The following ZFP1 variants were observed in gnomAD, a reference collection of about 807,000 sequenced individuals.
ZFP1 encodes ZFP1 zinc finger protein.
In ZFP1, 32 loss-of-function variants were observed where a neutral mutation model predicts 38.5. The observed-to-expected ratio is 0.83, with a 90% CI of 0.63 to 1.12. The LOEUF (loss-of-function observed/expected upper bound fraction) is 1.12. Among genes scored for constraint, ZFP1 ranks in the 50% most tolerant of loss-of-function variants. The pLI is 0.00. For synonymous variants in ZFP1, 245 were observed against 168.8 expected (o/e 1.45, Z -3.50); for missense variants, 616 against 480.8 (o/e 1.28, Z -2.63).
intron 1 of ZFP1, among the ~76,000 whole-genome samples, chr16:75,149,902 A>G (rs1017566080): frequency 1.1e-4 from 17 of 151,936 alleles, no homozygotes; most frequent in African/African-American, 3.1e-4. Context: ...CCCGGGTTCA[A>G]GCAGTCCTCC....
chr16:75,153,765 T>A (rs372004451), intron 2 of ZFP1, among the ~76,000 whole-genome samples: 1 of 152,206 alleles, frequency 6.6e-6, no homozygotes, highest in Non-Finnish European at 1.5e-5. Flanking sequence ...TTTTGACCAA[T>A]ATATAATGAC....
upstream of ZFP1, among the ~76,000 whole-genome samples, chr16:75,146,586 A>G (rs2036947773): frequency 6.6e-6 from 1 of 152,204 alleles, no homozygotes; most frequent in Non-Finnish European, 1.5e-5. Context: ...ATGTATCTTC[A>G]GTAGGTGAAT....
upstream of ZFP1, chr16:75,144,232 C>T (rs2036920003): frequency 6.6e-6 from 1 of 152,054 alleles, no homozygotes; most frequent in South Asian, 2.1e-4. Flanking sequence ...GGGGGGAGTT[C>T]TCCATTCTCT....
the ZFP1 span, among the ~76,000 whole-genome samples, chr16:75,138,420 T>C: frequency 6.6e-6 from 1 of 152,158 alleles, no homozygotes; most frequent in Non-Finnish European, 1.5e-5. Context: ...AAGGAGTAAC[T>C]TTATAGTGGA....
intron 1 of ZFP1, 114 bp downstream of exon 1, chr16:75,148,757 G>T (rs2037012598): frequency 6.6e-6 from 1 of 152,284 alleles, no homozygotes; most frequent in African/African-American, 2.4e-5. Context: ...ACTCGTAGGC[G>T]GCAGTGACCC....
the ZFP1 span, among the ~76,000 whole-genome samples, chr16:75,131,219 A>G: frequency 6.6e-6 from 1 of 152,176 alleles, no homozygotes; most frequent in South Asian, 2.1e-4. Context: ...CACCCTCAGG[A>G]GCATGAGGAG....
intron 1 of ZFP1, among the ~76,000 whole-genome samples, chr16:75,151,746 A>G (rs1364384143): frequency 6.8e-6 from 1 of 147,206 alleles, no homozygotes. Context: ...AAAAGTATCT[A>G]TTGTGTTGAT....
chr16:75,134,833 G>A, the ZFP1 span, among the ~76,000 whole-genome samples: 115 of 151,952 alleles, frequency 7.6e-4, 1 homozygote, highest in Non-Finnish European at 1.5e-3. Flanking sequence ...CGAGGCGGGC[G>A]GATCACCTGA....
intron 3 of ZFP1, 32 bp from the exon 4 acceptor site, chr16:75,169,221 A>G: frequency 6.4e-7 from 1 of 1,566,138 alleles, no homozygotes; most frequent in Non-Finnish European, 8.6e-7. Flanking sequence ...AGGCATTGAC[A>G]AGGTTCTTTT....
At chr16:75,146,467 G>A (rs1048128330), upstream of ZFP1, among the ~76,000 whole-genome samples, 8 of 151,038 alleles carry the variant, frequency 5.3e-5, no homozygotes, top group East Asian at 4.0e-4. Context: ...GCACCCGGCC[G>A]CAACCATACG....
the ZFP1 span, among the ~76,000 whole-genome samples, chr16:75,123,108 C>T: frequency 6.6e-6 from 1 of 151,898 alleles, no homozygotes; most frequent in Non-Finnish European, 1.5e-5. Context: ...AATCCCAGCA[C>T]TTGGGGAGGA....
upstream of ZFP1, among the ~76,000 whole-genome samples, chr16:75,144,457 G>C (rs1006692252): frequency 6.6e-5 from 10 of 152,046 alleles, no homozygotes; most frequent in Admixed American, 5.2e-4. Flanking sequence ...AAGATTTTTA[G>C]ATCCTTCCCA....
At chr16:75,162,361 T>C (rs551584907) in intron 2 of ZFP1, among the ~76,000 whole-genome samples, 1 of 152,138 alleles carries the variant, frequency 6.6e-6, no homozygotes, top group East Asian at 1.9e-4. Flanking sequence ...TGACCTTAAG[T>C]GATCCACCTG....
the ZFP1 span, among the ~76,000 whole-genome samples, chr16:75,131,850 A>C: frequency 6.6e-6 from 1 of 151,938 alleles, no homozygotes; most frequent in African/African-American, 2.4e-5. Flanking sequence ...CTGTAATCTC[A>C]GCTACTTGGG....
At chr16:75,159,675 G>T (rs968518418) in intron 2 of ZFP1, among the ~76,000 whole-genome samples, 2 of 151,914 alleles carry the variant, frequency 1.3e-5, no homozygotes, top group Middle Eastern at 3.2e-3. Flanking sequence ...CAAAGTGCTG[G>T]GATTACAGTC....
chr16:75,166,160 A>G (rs184098462), intron 2 of ZFP1, among the ~76,000 whole-genome samples: 29 of 152,346 alleles, frequency 1.9e-4, no homozygotes, highest in Non-Finnish European at 3.1e-4. Context: ...AATAATGCCT[A>G]TGTGAGCTTT....
the ZFP1 span, among the ~76,000 whole-genome samples, chr16:75,119,171 G>C: frequency 6.6e-6 from 1 of 152,138 alleles, no homozygotes; most frequent in Admixed American, 6.5e-5. Flanking sequence ...AATTAACTGA[G>C]ACCTTTCTCA....
chr16:75,139,985 C>A, the ZFP1 span, among the ~76,000 whole-genome samples: 7 of 152,158 alleles, frequency 4.6e-5, no homozygotes, highest in Non-Finnish European at 1.0e-4. Flanking sequence ...AAAGTTGAGG[C>A]TGGCCAGGCA....
chr16:75,163,581 G>A (rs566490342), intron 2 of ZFP1, among the ~76,000 whole-genome samples: 1 of 151,932 alleles, frequency 6.6e-6, no homozygotes, highest in South Asian at 2.1e-4. Context: ...CAGAGTGCTG[G>A]GATTACAGGT....
Sources: allele counts gnomAD v4.1 joint callset (sites outside exome capture counted in the v4.1 genomes callset), GRCh38; gene constraint gnomAD v4.1.1; transcripts MANE v1.5; gene names NCBI Gene and HGNC (gene_info 2026-07-23, HGNC 2026-07-21).